Variants in BACE2 observed in about 807,000 individuals in gnomAD.
BACE2 encodes the protein 56 kDa aspartic-like protease.
A neutral mutation model predicts 46.2 loss-of-function variants in BACE2; 17 were observed. The ratio of observed to expected loss-of-function variants is 0.37; its 90% CI spans 0.25 to 0.55. The LOEUF is 0.55. BACE2 is among the 20% of genes least tolerant of loss of function. The probability of loss-of-function intolerance (pLI) is 0.82; values close to 1 mark genes in which losing one functional copy is unlikely to be tolerated. For synonymous variants in BACE2, 277 were observed against 295.9 expected (o/e 0.94, Z 0.66); for missense variants, 595 against 698.1 (o/e 0.85, Z 1.66).
At chr21:41,197,720 G>A (rs1461746222) in intron 1 of BACE2, among the ~76,000 whole-genome samples, 1 of 152,010 alleles carries the variant, frequency 6.6e-6, no homozygotes, top group Admixed American at 6.6e-5. Context: ...TTGACATTAG[G>A]AAATATGCAA....
intron 8 of BACE2, among the ~76,000 whole-genome samples, chr21:41,258,328 G>A (rs1439810497): frequency 6.6e-6 from 1 of 152,212 alleles, no homozygotes; most frequent in Non-Finnish European, 1.5e-5. Context: ...GTGGTTGAAG[G>A]AAAGGGGGTT....
intron 1 of BACE2, among the ~76,000 whole-genome samples, chr21:41,191,791 C>T (rs1985578726): frequency 1.3e-5 from 2 of 152,180 alleles, no homozygotes; most frequent in South Asian, 4.1e-4. Context: ...GTGGTGTCCA[C>T]AGAAAGGGTC....
At chr21:41,217,606 TG>T (rs1456364963) in intron 1 of BACE2, among the ~76,000 whole-genome samples, 1 of 152,130 alleles carries the variant, frequency 6.6e-6, no homozygotes, top group Admixed American at 6.5e-5. Context: ...TGAGCCTCGG[TG>T]CTTTCCAGCC....
chr21:41,245,191 C>G (rs1412144352), intron 5 of BACE2, among the ~76,000 whole-genome samples: 2 of 152,192 alleles, frequency 1.3e-5, no homozygotes, highest in Non-Finnish European at 2.9e-5. Context: ...ATTTCATTTT[C>G]TTAAAATTCT....
rs1032390900 is a variant in BACE2 at position 41,279,051 on chromosome 21, G to A, written c.*3427G>A. 12 of 151,912 alleles carry A rather than the reference G, an allele frequency of 7.9e-5. No individual in the cohort carries two copies. Among genetic ancestry groups the A allele is most frequent in the Middle Eastern group, 3.4e-3 (1 of 294 alleles). 9.4% of individuals were successfully genotyped at this position (151,912 alleles called of 1,614,324 possible). A position where few individuals can be genotyped will look rare whatever the true frequency, so the allele number is the denominator to read the frequency against. On this transcript the variant is annotated 3_prime_UTR_variant, in exon 9 of 9. Coordinates refer to ENST00000330333, the MANE Select transcript of BACE2 (RefSeq NM_012105.5). ...TGTTTTGTTTTTTTTGAAAAACGAC[G>A]CAACACCATAAAGTGTAAAATTAGG...
chr21:41,246,146 T>C, intron 6 of BACE2, 83 bp downstream of exon 6: 4 of 1,011,022 alleles, frequency 4.0e-6, no homozygotes, highest in Non-Finnish European at 5.8e-6. Flanking sequence ...GTTCTGAGCA[T>C]CTCTGAACTA....
At chr21:41,178,728 C>A (rs892123288) in intron 1 of BACE2, 1 of 179,950 alleles carries the variant, frequency 5.6e-6, no homozygotes, top group African/African-American at 2.4e-5. Flanking sequence ...CAGAGCAAGA[C>A]CTTGCCTCAA....
intron 1 of BACE2, among the ~76,000 whole-genome samples, chr21:41,189,441 T>C (rs1294413193): frequency 6.6e-6 from 1 of 152,254 alleles, no homozygotes; most frequent in Non-Finnish European, 1.5e-5. Flanking sequence ...TGAATGCTTC[T>C]GTTTTTGTTT....
At chr21:41,270,595 T>A (rs750209591) in intron 8 of BACE2, among the ~76,000 whole-genome samples, 1 of 152,218 alleles carries the variant, frequency 6.6e-6, no homozygotes, top group South Asian at 2.1e-4. Flanking sequence ...ACAAATGTGT[T>A]ATTTAGTTTC....
In BACE2 at chr21:41,250,913, G is replaced by A. The variant is rs990512263; in HGVS notation, c.1134+12G>A. 1 of 1,613,276 alleles carries A rather than the reference G, an allele frequency of 6.2e-7. No individual in the cohort carries two copies. Among genetic ancestry groups the A allele is most frequent in the African/African-American group, 1.3e-5 (1 of 74,912 alleles). On this transcript the variant is annotated intron_variant, in intron 7 of 8. Transcript: ENST00000330333. Reference sequence around the variant, plus strand: ...CAATCCTGCCTCAGGTATGAACTTGGATTTGTGCTTTGCTCTTTTTATCAT... The same window carrying A: ...CAATCCTGCCTCAGGTATGAACTTGAATTTGTGCTTTGCTCTTTTTATCAT...
At chr21:41,199,183 C>A (rs1287645469) in intron 1 of BACE2, among the ~76,000 whole-genome samples, 1 of 151,966 alleles carries the variant, frequency 6.6e-6, no homozygotes, top group African/African-American at 2.4e-5. Context: ...TCTTTTTTAA[C>A]AGGAACCCTC....
At chr21:41,221,758 G>GAGGC (rs1245624079) in intron 1 of BACE2, among the ~76,000 whole-genome samples, 1 of 151,260 alleles carries the variant, frequency 6.6e-6, no homozygotes, top group Non-Finnish European at 1.5e-5. Context: ...AGCCCAGGAG[G>GAGGC]AGGAGCTTGC....
chr21:41,179,712 T>A (rs1985036728), intron 1 of BACE2: 2 of 1,233,636 alleles, frequency 1.6e-6, no homozygotes, highest in South Asian at 2.5e-5. Context: ...CTTCCCTGCT[T>A]ACAGGCAATT....
intron 4 of BACE2, 117 bp from the exon 5 acceptor site, chr21:41,243,259 G>C: frequency 1.2e-6 from 1 of 828,190 alleles, no homozygotes; most frequent in East Asian, 2.9e-5. Flanking sequence ...ACATTGTCAC[G>C]AAGTAGAAGC....
chr21:41,231,056 T>C (rs1986956419), intron 2 of BACE2, among the ~76,000 whole-genome samples: 2 of 152,218 alleles, frequency 1.3e-5, no homozygotes. Flanking sequence ...TTTATTTTCC[T>C]CAACTAATGT....
intron 3 of BACE2, among the ~76,000 whole-genome samples, chr21:41,238,848 A>C (rs1987205941): frequency 6.7e-6 from 1 of 148,966 alleles, no homozygotes; most frequent in East Asian, 2.0e-4. Flanking sequence ...GATATACCTA[A>C]TGCTAGATGA....
chr21:41,190,288 C>G (rs866901512), intron 1 of BACE2, among the ~76,000 whole-genome samples: 3 of 152,162 alleles, frequency 2.0e-5, no homozygotes, highest in African/African-American at 7.2e-5. Flanking sequence ...TTATGCCTAA[C>G]ATATTACAAC....
chr21:41,190,707 A>C (rs1020182290), intron 1 of BACE2, among the ~76,000 whole-genome samples: 27 of 152,118 alleles, frequency 1.8e-4, no homozygotes, highest in African/African-American at 5.6e-4. Context: ...GGGCTGTTGT[A>C]GTTTCCCATT....
At chr21:41,273,045 T>C (rs996879088) in intron 8 of BACE2, among the ~76,000 whole-genome samples, 3 of 152,158 alleles carry the variant, frequency 2.0e-5, no homozygotes, top group African/African-American at 7.2e-5. Flanking sequence ...GGCAGGTTCG[T>C]GATGCCCCCT....
Sources: gnomAD v4.1 joint callset for allele counts (sites outside exome capture counted in the v4.1 genomes callset) on GRCh38, gnomAD v4.1.1 for gene constraint, MANE v1.5 for transcripts, NCBI Gene and HGNC (gene_info 2026-07-23, HGNC 2026-07-21) for gene names.